Variants in AK5 observed in about 807,000 individuals in gnomAD.
AK5 encodes the protein adenylate kinase isoenzyme 5.
AK5 carries 27 observed loss-of-function variants against 69.5 expected under a neutral mutation model. The ratio of observed to expected loss-of-function variants is 0.39; its 90% CI spans 0.29 to 0.54. The LOEUF is 0.54. AK5 is among the 20% of genes least tolerant of loss of function. AK5 has a pLI of 0.71. For synonymous variants in AK5, 260 were observed against 244.4 expected (o/e 1.06, Z -0.60); for missense variants, 531 against 700.4 (o/e 0.76, Z 2.73).
intron 10 of AK5, among the ~76,000 whole-genome samples, chr1:77,514,071 C>T (rs1456579769): frequency 6.6e-6 from 1 of 152,172 alleles, no homozygotes; most frequent in Non-Finnish European, 1.5e-5. Context: ...ATTGGGCGTT[C>T]ACAGTACATG....
intron 6 of AK5, among the ~76,000 whole-genome samples, chr1:77,403,199 C>T (rs1284964439): frequency 6.6e-6 from 1 of 152,072 alleles, no homozygotes; most frequent in African/African-American, 2.4e-5. Context: ...GATATTAGCC[C>T]TTTGTCAGAT....
At chr1:77,554,408 T>A (rs1471911219) in intron 13 of AK5, among the ~76,000 whole-genome samples, 1 of 152,160 alleles carries the variant, frequency 6.6e-6, no homozygotes, top group Non-Finnish European at 1.5e-5. Context: ...ACATCCAGGC[T>A]GGAACCAGAC....
At chr1:77,362,881 A>G (rs1189012522) in intron 6 of AK5, among the ~76,000 whole-genome samples, 1 of 152,186 alleles carries the variant, frequency 6.6e-6, no homozygotes, top group Non-Finnish European at 1.5e-5. Context: ...CTTTGACCCA[A>G]TAATTTCACT....
rs552423591 is a variant in AK5, at chr1:77,282,174, G to A, written c.-140G>A. 1.5e-4 allele frequency: 104 copies of A among 709,674 alleles called. No individual in the cohort carries two copies. The South Asian group carries it at 2.2e-3, about 15-fold the overall frequency. The allele number at this position is 709,674 out of a possible 1,614,324, so 44.0% of individuals were successfully genotyped here. A position where few individuals can be genotyped will look rare whatever the true frequency, so the allele number is the denominator to read the frequency against. ...AGGGGGTCCCTGGCCTGGGCGGAGA[G>A]GCTGAGCTGAGTGCGCGTGAGAAAG... is the stretch of plus-strand genomic sequence containing the variant. On this transcript the variant is annotated 5_prime_UTR_variant, in exon 1 of 14. Coordinates refer to ENST00000354567, the MANE Select transcript of AK5 (RefSeq NM_174858.3).
At chr1:77,525,133 T>C (rs1247835360) in intron 12 of AK5, among the ~76,000 whole-genome samples, 2 of 152,220 alleles carry the variant, frequency 1.3e-5, no homozygotes, top group Non-Finnish European at 2.9e-5. Context: ...TGTGTTGAAC[T>C]CCTGGCCTCA....
rs905542631 is a variant in AK5, at chr1:77,286,840, C to CT, written c.61-100dup. The stretch of plus-strand genomic sequence containing the variant: ...CCAGCCTGGGCAGCAGAGTGAGACT[C>CT]TATTTCAAAAAAATTAATTAATTAA... On this transcript the variant is annotated intron_variant, in intron 1 of 13. Coordinates refer to ENST00000354567, the MANE Select transcript of AK5 (RefSeq NM_174858.3). 6 of 765,420 alleles carry CT rather than the reference C, an allele frequency of 7.8e-6. No individual in the cohort carries two copies. The African/African-American group carries it at 1.1e-4, about 14-fold the overall frequency. 47.4% of individuals were successfully genotyped at this position (765,420 alleles called of 1,614,324 possible). A position where few individuals can be genotyped will look rare whatever the true frequency, so the allele number is the denominator to read the frequency against.
chr1:77,297,395 ACTTG>A (rs1237953586), intron 3 of AK5, among the ~76,000 whole-genome samples, 160 bp from the exon 4 acceptor site: 1 of 152,182 alleles, frequency 6.6e-6, no homozygotes, highest in Non-Finnish European at 1.5e-5. Context: ...CAAAGTCTCT[ACTTG>A]CTTTACATTC....
At chr1:77,395,811 C>G (rs561169329) in intron 6 of AK5, among the ~76,000 whole-genome samples, 1 of 152,332 alleles carries the variant, frequency 6.6e-6, no homozygotes, top group African/African-American at 2.4e-5. Flanking sequence ...CTCCAAATAA[C>G]TGTAGGAAGC....
chr1:77,542,267 A>G (rs1189243438), intron 13 of AK5, among the ~76,000 whole-genome samples: 4 of 152,106 alleles, frequency 2.6e-5, no homozygotes, highest in Non-Finnish European at 5.9e-5. Flanking sequence ...AGGTTGCGGT[A>G]AGCCAAGATC....
At chr1:77,547,271 CT>C (rs532879024) in intron 13 of AK5, among the ~76,000 whole-genome samples, 1,158 of 107,392 alleles carry the variant, frequency 0.011, 6 homozygotes, top group African/African-American at 0.036. Context: ...ATAAAGTTCT[CT>C]TTTTTTTTTT....
chr1:77,362,488 A>G (rs1364628119), intron 6 of AK5, among the ~76,000 whole-genome samples: 1 of 152,174 alleles, frequency 6.6e-6, no homozygotes, highest in Non-Finnish European at 1.5e-5. Flanking sequence ...CTATGGTATC[A>G]ACTAATCTTT....
intron 8 of AK5, among the ~76,000 whole-genome samples, chr1:77,451,719 C>T (rs751668823): frequency 7.9e-5 from 12 of 152,216 alleles, no homozygotes; most frequent in Non-Finnish European, 1.5e-4. Flanking sequence ...TTTTCCAAAT[C>T]ATTCTCTTCC....
At chr1:77,388,384 C>T (rs1648166206) in intron 6 of AK5, among the ~76,000 whole-genome samples, 1 of 152,160 alleles carries the variant, frequency 6.6e-6, no homozygotes, top group East Asian at 1.9e-4. Context: ...TGTATGCATT[C>T]AATGTTAAAT....
intron 1 of AK5, chr1:77,283,016 A>G (rs1260644276): frequency 1.0e-6 from 1 of 985,478 alleles, no homozygotes; most frequent in Non-Finnish European, 1.2e-6. Flanking sequence ...AGGTTTCGCC[A>G]GTGCTCGACA....
At chr1:77,534,606 G>C (rs1036320638) in intron 12 of AK5, among the ~76,000 whole-genome samples, 1 of 152,166 alleles carries the variant, frequency 6.6e-6, no homozygotes, top group Non-Finnish European at 1.5e-5. Flanking sequence ...TGAATGAGAA[G>C]ACTCAGATGC....
chr1:77,551,003 C>A (rs1168596252), intron 13 of AK5, among the ~76,000 whole-genome samples: 2 of 152,134 alleles, frequency 1.3e-5, no homozygotes, highest in Admixed American at 1.3e-4. Context: ...ATGGTGAAAC[C>A]CCGTCTCTAC....
intron 6 of AK5, among the ~76,000 whole-genome samples, chr1:77,341,576 T>C (rs370035130): frequency 6.3e-4 from 96 of 152,340 alleles, no homozygotes; most frequent in African/African-American, 2.2e-3. Context: ...TCCAGAGAGC[T>C]CCTGTGATCT....
chr1:77,487,306 G>C (rs1358964686), intron 10 of AK5, among the ~76,000 whole-genome samples: 1 of 152,196 alleles, frequency 6.6e-6, no homozygotes, highest in African/African-American at 2.4e-5. Context: ...AAGCTAATGA[G>C]TGTGTGAGGG....
At chr1:77,410,709 A>C (rs1006930905) in intron 6 of AK5, among the ~76,000 whole-genome samples, 1 of 152,164 alleles carries the variant, frequency 6.6e-6, no homozygotes, top group Non-Finnish European at 1.5e-5. Context: ...AATTTCAGTT[A>C]GTTTTTCCAA....
Sources: allele counts gnomAD v4.1 joint callset (sites outside exome capture counted in the v4.1 genomes callset), GRCh38; gene constraint gnomAD v4.1.1; transcripts MANE v1.5; gene names NCBI Gene and HGNC (gene_info 2026-07-23, HGNC 2026-07-21).